Variants in EXOC3 observed in about 807,000 individuals in gnomAD.
EXOC3 encodes SEC6-like 1.
EXOC3 carries 21 observed loss-of-function variants against 73.7 expected under a neutral mutation model. The observed-to-expected ratio is 0.29, with a 90% CI of 0.20 to 0.41. EXOC3 has a LOEUF of 0.41. Ranked by LOEUF, EXOC3 falls within the 10% of genes least tolerant of loss-of-function variation. The pLI is 1.00. For synonymous variants in EXOC3, 410 were observed against 389.1 expected, an observed-to-expected ratio of 1.05 and a Z score of -0.63; for missense variants, 842 against 985.1, an observed-to-expected ratio of 0.85 and a Z score of 1.95.
Position 457,991 on chromosome 5 carries a change from A to G in EXOC3, c.1256A>G (p.Tyr419Cys). ...GAGCCAGAAGCCGACCAGGACGGGT[A>G]CTACCAGACCACACTCCCTGCCATT... ...ETEPEADQDG[Y>C]YQTTLPAIVF... Residue 419 changes from tyrosine (Y) to cysteine (C), a missense_variant, in exon 6 of 13, where the codon TAC becomes TGC. Transcript: ENST00000512944. The G allele has an allele frequency of 1.2e-6, 2 of 1,612,802 alleles. No individual in the cohort carries two copies. The highest frequency in any genetic ancestry group is 1.7e-6 in the Non-Finnish European group (2 of 1,179,358).
chr5:464,699 C>G (rs3815928), intron 10 of EXOC3: 199,280 of 407,410 alleles, frequency 0.49, 49,915 homozygotes, highest in Middle Eastern at 0.58. Context: ...CTCCCTGAGG[C>G]CCCAGGGATT....
chr5:458,626 C>A (rs1202879310), intron 6 of EXOC3, among the ~76,000 whole-genome samples: 1 of 152,346 alleles, frequency 6.6e-6, no homozygotes, highest in South Asian at 2.1e-4. Context: ...GTGTTAGAAC[C>A]GGTGTGTTCT....
intron 3 of EXOC3, 55 bp downstream of exon 3, chr5:447,807 C>T: frequency 7.9e-7 from 1 of 1,263,836 alleles, no homozygotes; most frequent in Non-Finnish European, 1.1e-6. Flanking sequence ...TTGCATGACT[C>T]ACTGAGTGCT....
Position 465,858 on chromosome 5 carries a change from C to CGTCTTAGAATCCT in EXOC3, c.2066+15_2066+27dup, listed in dbSNP as rs1560941604. 1.2e-6 allele frequency: 2 copies of CGTCTTAGAATCCT among 1,603,628 alleles called. No homozygotes were observed. The highest frequency in any genetic ancestry group is 2.7e-5 in the African/African-American group (2 of 74,798). The stretch of plus-strand genomic sequence containing the variant: ...ATCCAGACATCAGGTAAGGGATGCA[C>CGTCTTAGAATCCT]GTCTTAGAATCCTGCCTTAGAATCC... On this transcript the variant is annotated intron_variant, in intron 12 of 12. Transcript: ENST00000512944.
intron 3 of EXOC3, among the ~76,000 whole-genome samples, chr5:452,734 G>A (rs1373495656): frequency 6.6e-6 from 1 of 152,264 alleles, no homozygotes; most frequent in Non-Finnish European, 1.5e-5. Flanking sequence ...CTTCAAGGTC[G>A]TGTCAAGTCT....
At chr5:450,188 G>A (rs528778620) in intron 3 of EXOC3, among the ~76,000 whole-genome samples, 2 of 152,364 alleles carry the variant, frequency 1.3e-5, no homozygotes, top group South Asian at 4.1e-4. Flanking sequence ...AGAGGTCACA[G>A]TGAGCCGAGA....
chr5:464,102 T>C (rs747677949), intron 9 of EXOC3, among the ~76,000 whole-genome samples, 188 bp from the exon 10 acceptor site: 3 of 151,624 alleles, frequency 2.0e-5, no homozygotes, highest in Non-Finnish European at 4.4e-5. Context: ...GACGTTGAGG[T>C]GAGGAAGTGC....
chr5:465,819 T>C lies in EXOC3; in HGVS notation c.2040T>C (p.Thr680=), dbSNP rs746949256. 6.2e-7 allele frequency: 1 copy of C among 1,612,416 alleles called. No individual in the cohort carries two copies. The highest frequency in any genetic ancestry group is 1.1e-5 in the South Asian group (1 of 90,594). Residue 680 remains threonine, a synonymous_variant, in exon 12 of 13, where the codon ACT becomes ACC. Coordinates refer to ENST00000512944, the MANE Select transcript of EXOC3 (RefSeq NM_007277.5). ...DPSLLYLEVS[T]LVSKYPDIRD... is the part of the protein sequence containing the mutation. ...CTCTGCTCTACCTGGAGGTCTCCAC[T>C]CTGGTCAGCAAGTATCCAGACATCA... is the stretch of plus-strand genomic sequence containing the variant.
At chr5:446,382 C>T in intron 2 of EXOC3, 33 bp downstream of exon 2, 1 of 1,542,676 alleles carries the variant, frequency 6.5e-7, no homozygotes, top group Non-Finnish European at 8.7e-7. Flanking sequence ...CAGGATCTGT[C>T]TTGGGCTTCA....
intron 7 of EXOC3, 25 bp from the exon 8 acceptor site, chr5:461,935 C>T (rs1034983336): frequency 6.5e-7 from 1 of 1,534,710 alleles, no homozygotes; most frequent in African/African-American, 1.4e-5. Flanking sequence ...TTAGTGCTGT[C>T]TGACCGAAGC....
chr5:446,307 G>A lies in EXOC3; in HGVS notation c.102G>A (p.Arg34=), dbSNP rs1159447808. 1.9e-6 allele frequency: 3 copies of A among 1,613,528 alleles called. No individual in the cohort carries two copies. In the African/African-American group the frequency reaches 4.0e-5, roughly 22 times the overall value. ...TGGACAAGGTGGAGCAGTATCGCAGGAGAGAAGCGCGGAAGAAGGCCTCCG... is the reference window on the plus strand; with the variant it reads ...TGGACAAGGTGGAGCAGTATCGCAGAAGAGAAGCGCGGAAGAAGGCCTCCG... The part of the protein sequence containing the change: ...DQLDKVEQYR[R]REARKKASVE... The change falls in exon 2 of 13, where the codon AGG becomes AGA. Residue 34 remains arginine (R), a synonymous_variant. Transcript: ENST00000512944.
At chr5:449,264 A>G (rs1560935392) in intron 3 of EXOC3, among the ~76,000 whole-genome samples, 1 of 152,174 alleles carries the variant, frequency 6.6e-6, no homozygotes. Context: ...CTGTGTACAC[A>G]GCTCCCCTCC....
chr5:453,160 A>T (rs931850464), intron 3 of EXOC3, among the ~76,000 whole-genome samples: 1 of 152,202 alleles, frequency 6.6e-6, no homozygotes, highest in East Asian at 1.9e-4. Context: ...GAGAGCTGCA[A>T]ATGACCACAG....
At chr5:466,678 C>A in intron 12 of EXOC3, 49 bp from the exon 13 acceptor site, 1 of 1,559,034 alleles carries the variant, frequency 6.4e-7, no homozygotes. Flanking sequence ...CAGCGTGGTG[C>A]ATCACAGGGC....
chr5:466,913 C>A lies in EXOC3; in HGVS notation c.*15C>A. 6.3e-7 allele frequency: 1 copy of A among 1,577,842 alleles called. No individual in the cohort carries two copies. On this transcript the variant is annotated 3_prime_UTR_variant, in exon 13 of 13. Coordinates refer to ENST00000512944, the MANE Select transcript of EXOC3 (RefSeq NM_007277.5). The stretch of plus-strand genomic sequence containing the variant: ...TGCTCAAGTAGCCTCCGCCGGCCTG[C>A]CCTGCTCGCCCCTCCACAGCCTCGG...
intron 10 of EXOC3, chr5:464,901 G>A (rs1031804470): frequency 1.7e-5 from 10 of 598,842 alleles, no homozygotes; most frequent in Non-Finnish European, 2.6e-5. Flanking sequence ...GCCGGAGCTG[G>A]CCTGGTGCGG....
intron 2 of EXOC3, 193 bp from the exon 3 acceptor site, chr5:447,340 C>A: frequency 1.8e-6 from 1 of 566,528 alleles, no homozygotes; most frequent in Non-Finnish European, 3.1e-6. Flanking sequence ...TGTTCCCAGG[C>A]AGCAATGAAG....
Position 465,215 on chromosome 5 carries a change from C to T in EXOC3, c.1881C>T (p.Ala627=), listed in dbSNP as rs370635164. The change falls in exon 11 of 13, where the codon GCC becomes GCT. Residue 627 remains alanine (A), a synonymous_variant. Transcript: ENST00000512944. ...GCCCGGAGGAGCGCAAGGAGGGTGCCGAGAAGATGGTTAGGGAGGCAGAGC... is the reference window on the plus strand; with the variant it reads ...GCCCGGAGGAGCGCAAGGAGGGTGCTGAGAAGATGGTTAGGGAGGCAGAGC... ...FRSPEERKEG[A]EKMVREAEQL... 6.9e-6 allele frequency: 11 copies of T among 1,593,632 alleles called. No homozygotes were observed. The highest frequency in any genetic ancestry group is 1.7e-4 in the Middle Eastern group (1 of 5,878).
intron 3 of EXOC3, among the ~76,000 whole-genome samples, chr5:450,868 A>G (rs1237483157): frequency 6.6e-6 from 1 of 150,830 alleles, no homozygotes; most frequent in African/African-American, 2.4e-5. Context: ...TATTATTTAT[A>G]TGGAATATCT....
Sources: gnomAD v4.1 joint callset for allele counts (sites outside exome capture counted in the v4.1 genomes callset) on GRCh38, gnomAD v4.1.1 for gene constraint, MANE v1.5 for transcripts, NCBI Gene and HGNC (gene_info 2026-07-23, HGNC 2026-07-21) for gene names.